Variants in DRGX observed in about 807,000 individuals in gnomAD.
DRGX encodes dorsal root ganglia homeobox, also known as dorsal root ganglia homeobox protein.
In DRGX, 21 loss-of-function variants were observed where a neutral mutation model predicts 28.6. The observed-to-expected ratio is 0.73, with a 90% confidence interval of 0.52 to 1.06. The LOEUF (loss-of-function observed/expected upper bound fraction) is 1.06. Ranked by LOEUF, DRGX falls within the 50% of genes least tolerant of loss-of-function variation. DRGX has a pLI of 0.00. For missense variants in DRGX, 354 were observed against 343.9 expected (o/e 1.03, Z -0.23); for synonymous variants, 136 against 139.1 (o/e 0.98, Z 0.16).
At chr10:49,387,964 C>T (rs1235455740) in intron 4 of DRGX, among the ~76,000 whole-genome samples, 3 of 152,148 alleles carry the variant, frequency 2.0e-5, no homozygotes, top group Non-Finnish European at 4.4e-5. Flanking sequence ...ACCCCATAAG[C>T]CTTGTTAGGA....
intron 2 of DRGX, among the ~76,000 whole-genome samples, chr10:49,394,862 C>G (rs1041759999): frequency 2.0e-5 from 3 of 152,194 alleles, no homozygotes; most frequent in Non-Finnish European, 2.9e-5. Context: ...GCAGGGCCAC[C>G]TGGTTCCAGG....
rs1326781761 is a variant in DRGX, at chr10:49,381,735, C to T, written c.526+4743G>A. 2.6e-5 allele frequency among the ~76,000 whole-genome samples: 4 copies of T among 152,308 alleles called. No individual in the cohort carries two copies. The East Asian group carries it at 7.7e-4, about 29-fold the overall frequency. On this transcript the variant is annotated intron_variant, in intron 6 of 6. Transcript: ENST00000374139. ...CTCACATTCTAGCTGGGGGCTGGTG[C>T]AGCACAGAACAGCCTTGGCTTGGAT...
chr10:49,374,308 T>C (rs1364902102), intron 6 of DRGX, among the ~76,000 whole-genome samples: 1 of 152,218 alleles, frequency 6.6e-6, no homozygotes, highest in African/African-American at 2.4e-5. Context: ...ACTCAGGGTA[T>C]TGACAGCAAA....
intron 6 of DRGX, among the ~76,000 whole-genome samples, chr10:49,375,003 T>C (rs1849701926): frequency 6.6e-6 from 1 of 152,212 alleles, no homozygotes; most frequent in African/African-American, 2.4e-5. Flanking sequence ...ATCACACCAG[T>C]TCCTTATAGT....
chr10:49,366,511 G>A, intron 6 of DRGX, 130 bp from the exon 7 acceptor site: 1 of 1,316,434 alleles, frequency 7.6e-7, no homozygotes, highest in South Asian at 1.5e-5. Flanking sequence ...ACTAAAGGGA[G>A]AAGGACAAGT....
At chr10:49,395,555 C>T in intron 1 of DRGX, 34 bp from the exon 2 acceptor site, 1 of 1,306,774 alleles carries the variant, frequency 7.7e-7, no homozygotes, top group Non-Finnish European at 1.1e-6. Context: ...CTTCAAGTCT[C>T]CCTCTGCCAG....
intron 6 of DRGX, among the ~76,000 whole-genome samples, chr10:49,385,891 C>T (rs1441475106): frequency 6.6e-6 from 1 of 152,088 alleles, no homozygotes; most frequent in Non-Finnish European, 1.5e-5. Context: ...ACTGGATAAG[C>T]CCATTCCAGT....
At chr10:49,370,266 G>A (rs1849644847) in intron 6 of DRGX, among the ~76,000 whole-genome samples, 1 of 152,156 alleles carries the variant, frequency 6.6e-6, no homozygotes, top group Non-Finnish European at 1.5e-5. Flanking sequence ...TTAGCCAGGT[G>A]TGGTGGCTTG....
At chr10:49,384,398 G>A (rs1849809388) in intron 6 of DRGX, among the ~76,000 whole-genome samples, 9 of 152,174 alleles carry the variant, frequency 5.9e-5, no homozygotes, top group Admixed American at 5.9e-4. Flanking sequence ...GGCCCCTACA[G>A]TGCACAAAGA....
chr10:49,373,662 A>G (rs1251028303), intron 6 of DRGX, among the ~76,000 whole-genome samples: 1 of 152,222 alleles, frequency 6.6e-6, no homozygotes, highest in Non-Finnish European at 1.5e-5. Context: ...CCCTCACAAG[A>G]CACTGAGTCT....
chr10:49,390,010 T>G, intron 4 of DRGX, 123 bp downstream of exon 4: 1 of 842,788 alleles, frequency 1.2e-6, no homozygotes, highest in Non-Finnish European at 1.8e-6. Context: ...AAGTGCATCA[T>G]GAAAATGACA....
chr10:49,366,427 C>A, intron 6 of DRGX, 46 bp from the exon 7 acceptor site: 4 of 1,544,640 alleles, frequency 2.6e-6, no homozygotes, highest in Non-Finnish European at 3.5e-6. Flanking sequence ...CTACTTTCTG[C>A]CTCTCAGGGC....
intron 6 of DRGX, among the ~76,000 whole-genome samples, chr10:49,380,187 T>C (rs1411340173): frequency 6.6e-6 from 1 of 152,226 alleles, no homozygotes; most frequent in Non-Finnish European, 1.5e-5. Context: ...TCCTGCAGCA[T>C]GAGCGTGCAG....
chr10:49,394,358 C>T (rs1276237644), intron 2 of DRGX, among the ~76,000 whole-genome samples: 1 of 152,214 alleles, frequency 6.6e-6, no homozygotes, highest in East Asian at 1.9e-4. Context: ...CACCTGAAGT[C>T]TCAGGTCTCC....
chr10:49,369,130 C>T (rs1309961304), intron 6 of DRGX, among the ~76,000 whole-genome samples: 1 of 152,194 alleles, frequency 6.6e-6, no homozygotes, highest in Non-Finnish European at 1.5e-5. Context: ...GCCTCCTTGC[C>T]CTGGAGCCAT....
intron 6 of DRGX, among the ~76,000 whole-genome samples, chr10:49,385,036 C>A (rs527292410): frequency 3.3e-5 from 5 of 152,260 alleles, no homozygotes; most frequent in African/African-American, 1.2e-4. Context: ...TGGATGATGC[C>A]CACATCCCAC....
intron 6 of DRGX, among the ~76,000 whole-genome samples, chr10:49,380,000 C>T (rs527281018): frequency 2.0e-4 from 30 of 152,368 alleles, no homozygotes; most frequent in Middle Eastern, 3.4e-3. Context: ...GATCTTACTC[C>T]ATTGTCCTGC....
chr10:49,378,986 A>T (rs1849745680), intron 6 of DRGX, among the ~76,000 whole-genome samples: 1 of 152,226 alleles, frequency 6.6e-6, no homozygotes, highest in Admixed American at 6.5e-5. Flanking sequence ...AAAATTTGAA[A>T]TGCTGTAAAT....
At chr10:49,370,851 G>A (rs893976494) in intron 6 of DRGX, among the ~76,000 whole-genome samples, 6 of 152,168 alleles carry the variant, frequency 3.9e-5, no homozygotes, top group Admixed American at 1.3e-4. Context: ...TGGTCAATAC[G>A]ACTTCACAGT....
Sources: gnomAD v4.1 joint callset for allele counts (sites outside exome capture counted in the v4.1 genomes callset) on GRCh38, gnomAD v4.1.1 for gene constraint, MANE v1.5 for transcripts, NCBI Gene and HGNC (gene_info 2026-07-23, HGNC 2026-07-21) for gene names.